FGF14: variants seen among roughly 807,000 people sequenced by gnomAD.
FGF14 encodes fibroblast growth factor 14.
Under a neutral mutation model 25.5 loss-of-function variants are expected in FGF14, and 5 were observed. The observed-to-expected ratio is 0.20, with a 90% CI of 0.10 to 0.41. The LOEUF (loss-of-function observed/expected upper bound fraction) is 0.41, where lower values mean the gene tolerates loss of function less well. Ranked by LOEUF, FGF14 falls within the 10% of genes least tolerant of loss-of-function variation. The probability of loss-of-function intolerance (pLI) is 1.00; values close to 1 mark genes in which losing one functional copy is unlikely to be tolerated. For missense variants in FGF14, 222 were observed against 320.1 expected (o/e 0.69, Z 2.34); for synonymous variants, 138 against 118.3 (o/e 1.17, Z -1.08).
At chr13:102,165,283 AATACCATT>A (rs1370943740) in intron 1 of FGF14, among the ~76,000 whole-genome samples, 3 of 152,012 alleles carry the variant, frequency 2.0e-5, no homozygotes, top group Non-Finnish European at 4.4e-5. Context: ...TAGAACTAGA[AATACCATT>A]TGACCCAGCC....
At chr13:102,207,056 C>G (rs1490848659) in intron 1 of FGF14, among the ~76,000 whole-genome samples, 2 of 152,012 alleles carry the variant, frequency 1.3e-5, no homozygotes, top group Non-Finnish European at 2.9e-5. Context: ...CTGAGGTAGG[C>G]AGATCGTGAG....
rs150418829 is a variant in FGF14 at position 102,090,666 on chromosome 13, C to T, written c.209-215370G>A. ...GGCCACGTCCTCTGCGTGCCTTTTT[C>T]GCTTTCAGAAGTAGGGCTACGAAGC... On this transcript the variant is annotated intron_variant, in intron 1 of 4. Coordinates refer to the FGF14 transcript ENST00000376131. 2.5e-3 allele frequency among the ~76,000 whole-genome samples: 374 copies of T among 152,324 alleles called. 3 individuals carry two copies. The highest frequency in any genetic ancestry group is 8.6e-3 in the African/African-American group (358 of 41,574).
chr13:102,401,772 C>A (rs1388792274), exon 1 of FGF14: 1 of 1,086,158 alleles, frequency 9.2e-7, no homozygotes, highest in Non-Finnish European at 1.4e-6. Context: ...TGTTTTCGGC[C>A]AGGGTGAATG....
chr13:102,333,286 A>G (rs2056688173), intron 1 of FGF14, among the ~76,000 whole-genome samples: 1 of 152,192 alleles, frequency 6.6e-6, no homozygotes, highest in African/African-American at 2.4e-5. Context: ...TCAAATGTCC[A>G]TGATTTATAA....
At chr13:102,291,529 T>C (rs1431579488) in intron 1 of FGF14, among the ~76,000 whole-genome samples, 4 of 152,146 alleles carry the variant, frequency 2.6e-5, no homozygotes, top group African/African-American at 7.2e-5. Flanking sequence ...AGTAAATAAA[T>C]AACTGCATAG....
chr13:102,362,840 C>T (rs2057605395), intron 1 of FGF14, among the ~76,000 whole-genome samples: 1 of 152,010 alleles, frequency 6.6e-6, no homozygotes. Context: ...AACGATTTTG[C>T]AGGGTAAAAT....
At chr13:102,158,482 G>A (rs924651358) in intron 1 of FGF14, among the ~76,000 whole-genome samples, 10 of 139,596 alleles carry the variant, frequency 7.2e-5, no homozygotes, top group African/African-American at 2.1e-4. Context: ...AGAACACATG[G>A]ACACAGGAAG....
chr13:102,227,977 T>C (rs2050905131), intron 1 of FGF14, among the ~76,000 whole-genome samples: 1 of 152,196 alleles, frequency 6.6e-6, no homozygotes, highest in African/African-American at 2.4e-5. Context: ...TAAATATGTT[T>C]ACCAAGGGAA....
chr13:101,899,157 A>G (rs993352799), intron 1 of FGF14, among the ~76,000 whole-genome samples: 8 of 152,064 alleles, frequency 5.3e-5, no homozygotes, highest in African/African-American at 1.9e-4. Flanking sequence ...TTTCAAATAT[A>G]TTTCATACTA....
chr13:102,014,276 T>C (rs189877586), intron 1 of FGF14, among the ~76,000 whole-genome samples: 1 of 152,222 alleles, frequency 6.6e-6, no homozygotes, highest in Admixed American at 6.5e-5. Context: ...TTGACTAACA[T>C]AGCTGTAATG....
chr13:102,143,975 T>G (rs1227397391), intron 1 of FGF14, among the ~76,000 whole-genome samples: 1 of 152,172 alleles, frequency 6.6e-6, no homozygotes, highest in Non-Finnish European at 1.5e-5. Flanking sequence ...TCATGAGAAA[T>G]GCCCTCAAAT....
At chr13:102,307,351 T>G (rs2055447856) in intron 1 of FGF14, among the ~76,000 whole-genome samples, 1 of 152,166 alleles carries the variant, frequency 6.6e-6, no homozygotes, top group African/African-American at 2.4e-5. Flanking sequence ...GCAGAACTGT[T>G]TGATCATAAA....
intron 3 of FGF14, among the ~76,000 whole-genome samples, chr13:101,734,717 C>CT (rs1164735490): frequency 4.6e-5 from 7 of 152,138 alleles, no homozygotes; most frequent in African/African-American, 1.7e-4. Flanking sequence ...ACATAATACA[C>CT]TAATTTAACC....
chr13:101,870,370 A>G (rs1188535831), intron 2 of FGF14, among the ~76,000 whole-genome samples: 3 of 152,110 alleles, frequency 2.0e-5, no homozygotes, highest in Admixed American at 2.0e-4. Flanking sequence ...TATACACAAA[A>G]TTTTGGAGGG....
intron 1 of FGF14, among the ~76,000 whole-genome samples, chr13:102,225,702 CTCTCA>C (rs2050797320): frequency 6.6e-6 from 1 of 152,190 alleles, no homozygotes; most frequent in African/African-American, 2.4e-5. Flanking sequence ...ACTGTTTTGA[CTCTCA>C]GCTCTGCAAA....
intron 1 of FGF14, among the ~76,000 whole-genome samples, chr13:102,133,336 G>A (rs912643590): frequency 8.5e-5 from 13 of 152,104 alleles, no homozygotes; most frequent in African/African-American, 2.7e-4. Context: ...GTATATGAAT[G>A]GCTGTTTACA....
intron 3 of FGF14, among the ~76,000 whole-genome samples, chr13:101,817,085 G>A (rs1372663393): frequency 6.6e-6 from 1 of 152,126 alleles, no homozygotes; most frequent in African/African-American, 2.4e-5. Context: ...GACTAACAGA[G>A]CACACTTGTT....
chr13:102,306,258 A>G (rs2055371106), intron 1 of FGF14, among the ~76,000 whole-genome samples: 1 of 152,204 alleles, frequency 6.6e-6, no homozygotes, highest in African/African-American at 2.4e-5. Flanking sequence ...ATTGCATCTT[A>G]TCTTCTACCA....
At chr13:101,861,831 T>G (rs111860395) in intron 3 of FGF14, among the ~76,000 whole-genome samples, 2 of 152,242 alleles carry the variant, frequency 1.3e-5, no homozygotes, top group South Asian at 2.1e-4. Context: ...GTTTTCAGTA[T>G]CCTCATTCGG....
Sources: allele counts gnomAD v4.1 joint callset (sites outside exome capture counted in the v4.1 genomes callset), GRCh38; gene constraint gnomAD v4.1.1; transcripts MANE v1.5; gene names NCBI Gene and HGNC (gene_info 2026-07-23, HGNC 2026-07-21).